CEP78: variants seen among roughly 807,000 people sequenced by gnomAD.
CEP78 encodes centrosomal protein of 78 kDa.
CEP78 carries 76 observed loss-of-function variants against 81.2 expected under a neutral mutation model. The ratio of observed to expected loss-of-function variants is 0.94; its 90% CI spans 0.78 to 1.13. The LOEUF is 1.13. Among genes scored for constraint, CEP78 ranks in the 50% most tolerant of loss-of-function variants. The pLI, the probability that CEP78 is intolerant of heterozygous loss-of-function variation, is 0.00. For missense variants in CEP78, 918 were observed against 846.8 expected (o/e 1.08, Z -1.04); for synonymous variants, 293 against 301.4 (o/e 0.97, Z 0.29).
intron 12 of CEP78, among the ~76,000 whole-genome samples, chr9:78,263,185 G>A (rs946441588): frequency 2.0e-5 from 3 of 152,050 alleles, no homozygotes; most frequent in African/African-American, 7.2e-5. Flanking sequence ...TTTTAAAAAT[G>A]TAAAAATTGT....
intron 5 of CEP78, among the ~76,000 whole-genome samples, chr9:78,244,922 G>GT (rs1215834604): frequency 2.0e-5 from 3 of 152,012 alleles, no homozygotes; most frequent in Admixed American, 6.6e-5. Flanking sequence ...CATTTTAAAG[G>GT]TTTTTTTAAA....
intron 13 of CEP78, among the ~76,000 whole-genome samples, 192 bp from the exon 14 acceptor site, chr9:78,265,180 G>T (rs538731173): frequency 6.6e-6 from 1 of 152,328 alleles, no homozygotes; most frequent in South Asian, 2.1e-4. Context: ...TGGATGATAT[G>T]ATATGGTTTG....
In CEP78 at chr9:78,271,354, A is replaced by G. The variant is rs1225574387; in HGVS notation, c.*503A>G. The G allele has an allele frequency of 6.6e-6, 1 of 152,300 alleles. No individual in the cohort carries two copies. Among genetic ancestry groups the G allele is most frequent in the Non-Finnish European group, 1.5e-5 (1 of 68,088 alleles). The allele number at this position is 152,300 out of a possible 1,614,324, so 9.4% of individuals were successfully genotyped here. ...CCAGTAACATAAAAGGAGGCATGAA[A>G]TTAAAATTAACCTGTTCAAGAAGAT... On this transcript the variant is annotated 3_prime_UTR_variant, in exon 17 of 17. Coordinates refer to ENST00000643273, the MANE Select transcript of CEP78 (RefSeq NM_001330691.3).
chr9:78,251,153 A>T (rs1826741350), intron 8 of CEP78, among the ~76,000 whole-genome samples: 1 of 152,200 alleles, frequency 6.6e-6, no homozygotes, highest in African/African-American at 2.4e-5. Flanking sequence ...ATATTTCTTT[A>T]AAAAAACTTG....
At chr9:78,243,436 A>C in intron 4 of CEP78, 26 bp from the exon 5 acceptor site, 1 of 1,596,366 alleles carries the variant, frequency 6.3e-7, no homozygotes. Flanking sequence ...CAAGTGTATT[A>C]ATTTCATCTT....
rs1827763923 is a variant in CEP78, at chr9:78,274,606, A to G, written c.*3755A>G. 6.6e-6 allele frequency: 1 copy of G among 152,184 alleles called. No individual in the cohort carries two copies. Among genetic ancestry groups the G allele is most frequent in the Non-Finnish European group, 1.5e-5 (1 of 68,028 alleles). 9.4% of individuals were successfully genotyped at this position (152,184 alleles called of 1,614,324 possible). The stretch of plus-strand genomic sequence containing the variant: ...AATACAAAGTATATTCTCCTGGAAA[A>G]CCAATAGAACATTCATATAAATGAT... On this transcript the variant is annotated 3_prime_UTR_variant, in exon 17 of 17. Transcript: ENST00000643273.
chr9:78,266,905 A>T, intron 16 of CEP78: 5 of 1,430,334 alleles, frequency 3.5e-6, no homozygotes, highest in Non-Finnish European at 4.5e-6. Context: ...TCCAAGACAA[A>T]TAAAAGTAAA....
At chr9:78,259,907 CTATT>C (rs1398458737) in intron 11 of CEP78, among the ~76,000 whole-genome samples, 3 of 152,232 alleles carry the variant, frequency 2.0e-5, no homozygotes, top group Non-Finnish European at 4.4e-5. Context: ...AACCTTTTAT[CTATT>C]AGAGAAAAAC....
chr9:78,267,189 C>A (rs752862240), intron 16 of CEP78: 2 of 507,184 alleles, frequency 3.9e-6, no homozygotes, highest in Non-Finnish European at 6.8e-6. Context: ...AACATTGATT[C>A]AGCAATTGTT....
chr9:78,236,969 CTTTTTTTTTTTTTT>C (rs71360676), intron 1 of CEP78, among the ~76,000 whole-genome samples: 676 of 62,134 alleles, frequency 0.011, 26 homozygotes, highest in African/African-American at 0.039. Context: ...CAGCCTTTGT[CTTTTTTTTTTTTTT>C]TTTTTTTTTT....
chr9:78,278,440 C>G lies in CEP78; in HGVS notation c.*7589C>G, dbSNP rs755185174. On this transcript the variant is annotated 3_prime_UTR_variant, in exon 17 of 17. Transcript: ENST00000643273. ...TTTCTGCAAAGTTAAAAGTAGTAGT[C>G]CTGGCCCCACCTTCCTTGTGTGCAC... 3 of 152,220 alleles carry G rather than the reference C, an allele frequency of 2.0e-5. No homozygotes were observed. The East Asian group carries it at 5.8e-4, about 29-fold the overall frequency. 9.4% of individuals were successfully genotyped at this position (152,220 alleles called of 1,614,324 possible). A position where few individuals can be genotyped will look rare whatever the true frequency, so the allele number is the denominator to read the frequency against.
chr9:78,271,217 A>G lies in CEP78; in HGVS notation c.*366A>G, dbSNP rs1400831415. 1 of 165,796 alleles carries G rather than the reference A, an allele frequency of 6.0e-6. No homozygotes were observed. The highest frequency in any genetic ancestry group is 6.4e-5 in the Admixed American group (1 of 15,678). 10.3% of individuals were successfully genotyped at this position (165,796 alleles called of 1,614,324 possible). A position where few individuals can be genotyped will look rare whatever the true frequency, so the allele number is the denominator to read the frequency against. On this transcript the variant is annotated 3_prime_UTR_variant, in exon 17 of 17. Transcript: ENST00000643273. ...TAAGTGCCTGTAATCATTTGTGTTC[A>G]TTAAAAGTGAACCAGAATTCCCATT...
chr9:78,263,751 G>T (rs1259565809), intron 12 of CEP78, among the ~76,000 whole-genome samples: 3 of 152,148 alleles, frequency 2.0e-5, no homozygotes, highest in Non-Finnish European at 4.4e-5. Context: ...TATGATTTAG[G>T]ACTTTTAAAT....
Position 78,266,570 on chromosome 9 carries a change from G to C in CEP78, c.1974G>C (p.Gln658His), listed in dbSNP as rs757249504. The C allele has an allele frequency of 5.6e-6, 9 of 1,613,754 alleles. No individual in the cohort carries two copies. In the East Asian group the frequency reaches 1.6e-4, roughly 28 times the overall value. Reference sequence around the variant, plus strand: ...GAGTCCCAGCTACTGAGCAGCGGCAGGAGTCTTTTGAAGGATTCATTGCTA... The same window carrying C: ...GAGTCCCAGCTACTGAGCAGCGGCACGAGTCTTTTGAAGGATTCATTGCTA... ...NLGVPATEQRQESFEGFIARM... is the reference protein window; with the variant it reads ...NLGVPATEQRHESFEGFIARM... The change falls in exon 16 of 17, where the codon CAG (glutamine) becomes CAC (histidine). Residue 658 changes from glutamine to histidine, a missense_variant. Transcript: ENST00000643273.
At position 78,243,478 on chromosome 9, in the gene CEP78, G is replaced by A; in HGVS notation, c.620G>A (p.Arg207Lys). The change falls in exon 5 of 17, where the codon AGG (arginine) becomes AAG (lysine). Residue 207 changes from arginine (R) to lysine (K), a missense_variant. Transcript: ENST00000643273. ...AKILKYQTMR[R>K]HEETWAESLR... Reference sequence around the variant, plus strand: ...TCTTTGAAGTATCAGACCATGAGAAGGCATGAAGAAACCTGGGCTGAGAGT... The same window carrying A: ...TCTTTGAAGTATCAGACCATGAGAAAGCATGAAGAAACCTGGGCTGAGAGT... 1 of 1,612,966 alleles carries A rather than the reference G, an allele frequency of 6.2e-7. No homozygotes were observed. Among genetic ancestry groups the A allele is most frequent in the South Asian group, 1.1e-5 (1 of 90,870 alleles).
chr9:78,254,964 G>C lies in CEP78; in HGVS notation c.1380G>C (p.Gln460His), dbSNP rs1273046475. The change falls in exon 11 of 17, where the codon CAG becomes CAC. Residue 460 changes from glutamine to histidine, a missense_variant and splice_region_variant. By Grantham distance (24) the Gln-to-His change is conservative. Coordinates refer to ENST00000643273, the MANE Select transcript of CEP78 (RefSeq NM_001330691.3). ...CTAGTATAGAACAAGAAGCATTACA[G>C]GTACAAAGCTATCACTTTAAAGATA... is the stretch of plus-strand genomic sequence containing the variant. ...EKTSIEQEAL[Q>H]EKLEECLKQL... is the part of the protein sequence containing the mutation. The C allele has an allele frequency of 6.2e-7, 1 of 1,604,944 alleles. No homozygotes were observed. Among genetic ancestry groups the C allele is most frequent in the Admixed American group, 1.7e-5 (1 of 59,226 alleles).
chr9:78,259,910 T>C (rs1827198531), intron 11 of CEP78, among the ~76,000 whole-genome samples: 1 of 152,242 alleles, frequency 6.6e-6, no homozygotes, highest in South Asian at 2.1e-4. Flanking sequence ...CTTTTATCTA[T>C]TAGAGAAAAA....
At chr9:78,244,928 T>C (rs1826410042) in intron 5 of CEP78, among the ~76,000 whole-genome samples, 1 of 152,218 alleles carries the variant, frequency 6.6e-6, no homozygotes, top group Non-Finnish European at 1.5e-5. Flanking sequence ...AAAGGTTTTT[T>C]TAAAATGTGA....
intron 6 of CEP78, among the ~76,000 whole-genome samples, chr9:78,247,352 G>A (rs1826541742): frequency 6.6e-6 from 1 of 152,148 alleles, no homozygotes; most frequent in South Asian, 2.1e-4. Context: ...GATTAGGAGG[G>A]GAACAAGCCG....
Sources: gnomAD v4.1 joint callset for allele counts (sites outside exome capture counted in the v4.1 genomes callset) on GRCh38, gnomAD v4.1.1 for gene constraint, MANE v1.5 for transcripts, NCBI Gene and HGNC (gene_info 2026-07-23, HGNC 2026-07-21) for gene names.